Variants in GRIK2 observed in about 807,000 individuals in gnomAD.
GRIK2 encodes glutamate ionotropic receptor kainate type subunit 2.
GRIK2 carries 32 observed loss-of-function variants against 100.3 expected under a neutral mutation model. That is an observed-to-expected ratio of 0.32 (90% CI 0.24 to 0.43). The LOEUF is 0.43. GRIK2 is among the 20% of genes least tolerant of loss of function. GRIK2 has a pLI of 1.00. For synonymous variants in GRIK2, 417 were observed against 389.4 expected (o/e 1.07, Z -0.83); for missense variants, 843 against 1,114.9 (o/e 0.76, Z 3.47).
At chr6:101,485,944 A>G (rs565656697) in intron 2 of GRIK2, among the ~76,000 whole-genome samples, 1 of 149,366 alleles carries the variant, frequency 6.7e-6, no homozygotes, top group Non-Finnish European at 1.5e-5. Context: ...AAACAGCTTT[A>G]CTTTTTTAAG....
intron 2 of GRIK2, among the ~76,000 whole-genome samples, chr6:101,558,006 T>A (rs950441974): frequency 6.6e-6 from 1 of 152,220 alleles, no homozygotes; most frequent in Non-Finnish European, 1.5e-5. Context: ...GGTAGCAAAT[T>A]GTAGACACAG....
chr6:101,794,898 C>T (rs1202562392), intron 7 of GRIK2, among the ~76,000 whole-genome samples: 2 of 148,302 alleles, frequency 1.3e-5, no homozygotes, highest in Non-Finnish European at 3.0e-5. Flanking sequence ...CGGAGTCTCA[C>T]TTTGTCACCC....
intron 7 of GRIK2, among the ~76,000 whole-genome samples, chr6:101,737,375 A>G (rs932950869): frequency 1.3e-5 from 2 of 152,222 alleles, no homozygotes; most frequent in African/African-American, 4.8e-5. Flanking sequence ...AAGAAGTGTA[A>G]TGGACTTATA....
chr6:101,988,354 G>A (rs1433607308), intron 14 of GRIK2, among the ~76,000 whole-genome samples: 1 of 151,752 alleles, frequency 6.6e-6, no homozygotes, highest in Non-Finnish European at 1.5e-5. Context: ...TGAATCTGTA[G>A]TATGTAGTAT....
At chr6:101,825,223 C>A (rs969847501) in intron 10 of GRIK2, among the ~76,000 whole-genome samples, 1 of 152,212 alleles carries the variant, frequency 6.6e-6, no homozygotes, top group Non-Finnish European at 1.5e-5. Context: ...CCCATTCCTA[C>A]AATCAGCTTG....
At chr6:101,524,917 G>C (rs575788222) in intron 2 of GRIK2, among the ~76,000 whole-genome samples, 1 of 152,092 alleles carries the variant, frequency 6.6e-6, no homozygotes, top group South Asian at 2.1e-4. Flanking sequence ...ATTTTTAGTA[G>C]AGATGGGGTT....
intron 11 of GRIK2, among the ~76,000 whole-genome samples, chr6:101,859,948 A>T (rs2128443389): frequency 6.6e-6 from 1 of 152,288 alleles, no homozygotes; most frequent in African/African-American, 2.4e-5. Context: ...AGTTGGAAGA[A>T]TCAGGCCTTT....
At chr6:101,836,704 C>CCCGA (rs1783141899) in intron 10 of GRIK2, among the ~76,000 whole-genome samples, 1 of 117,274 alleles carries the variant, frequency 8.5e-6, no homozygotes, top group Non-Finnish European at 1.7e-5. Flanking sequence ...CTCACTCTGT[C>CCCGA]ACCCAGGCTG....
intron 14 of GRIK2, among the ~76,000 whole-genome samples, chr6:101,988,198 T>C (rs1794158916): frequency 1.3e-5 from 2 of 151,460 alleles, no homozygotes; most frequent in South Asian, 2.1e-4. Context: ...TGTGTAGATA[T>C]ATGTGTGTTT....
At chr6:101,829,482 A>G (rs1377574625) in intron 10 of GRIK2, among the ~76,000 whole-genome samples, 1 of 151,984 alleles carries the variant, frequency 6.6e-6, no homozygotes, top group Non-Finnish European at 1.5e-5. Context: ...TTATGATTTT[A>G]TACCTAAAAA....
intron 5 of GRIK2, among the ~76,000 whole-genome samples, chr6:101,678,476 C>T (rs960383530): frequency 9.9e-5 from 15 of 151,998 alleles, no homozygotes; most frequent in African/African-American, 2.7e-4. Context: ...GAATCCAGAG[C>T]GACATTATTA....
intron 14 of GRIK2, among the ~76,000 whole-genome samples, chr6:101,955,003 ATTTG>A (rs1019966613): frequency 2.6e-5 from 4 of 151,912 alleles, no homozygotes; most frequent in Admixed American, 6.6e-5. Context: ...TATTATATTT[ATTTG>A]TTTGTGCACT....
chr6:101,704,050 G>T (rs1177929571), intron 7 of GRIK2, among the ~76,000 whole-genome samples: 2 of 151,700 alleles, frequency 1.3e-5, no homozygotes, highest in Non-Finnish European at 2.9e-5. Context: ...GTGGGAAAGT[G>T]AATATTCTGG....
At chr6:101,588,882 GAA>G (rs1778514325) in intron 2 of GRIK2, among the ~76,000 whole-genome samples, 1 of 151,892 alleles carries the variant, frequency 6.6e-6, no homozygotes, top group African/African-American at 2.4e-5. Context: ...ACAATACGTG[GAA>G]AAGACATACT....
intron 2 of GRIK2, among the ~76,000 whole-genome samples, chr6:101,413,584 A>T (rs537061647): frequency 6.6e-6 from 1 of 152,130 alleles, no homozygotes; most frequent in Non-Finnish European, 1.5e-5. Flanking sequence ...GAAATACATT[A>T]CATGGGGGAT....
intron 13 of GRIK2, 122 bp downstream of exon 13, chr6:101,924,841 T>G: frequency 1.5e-6 from 1 of 655,748 alleles, no homozygotes; most frequent in South Asian, 1.8e-5. Flanking sequence ...ATAATCCAGC[T>G]TTTCCATCGA....
chr6:102,048,226 TTAAAAG>T (rs1770998530), intron 15 of GRIK2, among the ~76,000 whole-genome samples: 2 of 151,686 alleles, frequency 1.3e-5, no homozygotes, highest in South Asian at 4.2e-4. Context: ...CATTAAAGAA[TTAAAAG>T]TAAGGTCAGA....
At chr6:101,745,656 A>G (rs1217252324) in intron 7 of GRIK2, among the ~76,000 whole-genome samples, 1 of 152,186 alleles carries the variant, frequency 6.6e-6, no homozygotes, top group African/African-American at 2.4e-5. Flanking sequence ...AAGAAAAAAA[A>G]TTAGCCATGT....
intron 2 of GRIK2, among the ~76,000 whole-genome samples, chr6:101,437,349 T>C (rs1333381140): frequency 6.6e-6 from 1 of 152,124 alleles, no homozygotes; most frequent in East Asian, 1.9e-4. Flanking sequence ...GATAATGGTC[T>C]AGCTACATAA....
Sources: allele counts gnomAD v4.1 joint callset (sites outside exome capture counted in the v4.1 genomes callset), GRCh38; gene constraint gnomAD v4.1.1; transcripts MANE v1.5; gene names NCBI Gene and HGNC (gene_info 2026-07-23, HGNC 2026-07-21).